CALN1: variants seen among roughly 807,000 people sequenced by gnomAD.
CALN1 encodes the protein calcium-binding protein 8.
In CALN1, 17 loss-of-function variants were observed where a neutral mutation model predicts 30.6. The ratio of observed to expected loss-of-function variants is 0.56; its 90% CI spans 0.38 to 0.83. The LOEUF is 0.83. CALN1 is among the 40% of genes least tolerant of loss of function. The probability of loss-of-function intolerance (pLI) is 0.00; values close to 1 mark genes in which losing one functional copy is unlikely to be tolerated. For synonymous variants in CALN1, 156 were observed against 131.4 expected, an observed-to-expected ratio of 1.19 and a Z score of -1.28; for missense variants, 291 against 354.9, an observed-to-expected ratio of 0.82 and a Z score of 1.45.
chr7:71,952,536 C>T (rs1235725840), intron 5 of CALN1, among the ~76,000 whole-genome samples: 1 of 152,162 alleles, frequency 6.6e-6, no homozygotes, highest in Non-Finnish European at 1.5e-5. Context: ...AGGCTAGCGG[C>T]ACATAAAAGC....
chr7:72,501,370 TAAAAAAAAAA>T, the CALN1 span, among the ~76,000 whole-genome samples: 28 of 42,810 alleles, frequency 6.5e-4, no homozygotes, highest in African/African-American at 9.0e-4. Flanking sequence ...ACGTCTCTAT[TAAAAAAAAAA>T]AAAAAAAAAA....
chr7:71,859,546 GA>G (rs1003455303), intron 5 of CALN1, among the ~76,000 whole-genome samples: 3 of 152,180 alleles, frequency 2.0e-5, no homozygotes, highest in African/African-American at 7.2e-5. Context: ...ATGAGTTTGA[GA>G]CTGTAAGTGT....
At position 72,028,971 on chromosome 7, in the gene CALN1, A is replaced by G. The variant is rs1801265972; in HGVS notation, c.389-5202T>C. ...ATGCCATTGGCCTCCAGCCTGGGTGAAAGAGCAAGACTCCATCTCAAATAT... is the reference window on the plus strand; with the variant it reads ...ATGCCATTGGCCTCCAGCCTGGGTGGAAGAGCAAGACTCCATCTCAAATAT... On this transcript the variant is annotated intron_variant, in intron 4 of 6. Transcript: ENST00000395275. Among the ~76,000 whole-genome samples, 3 of 152,114 alleles carry G rather than the reference A, an allele frequency of 2.0e-5. No homozygotes were observed. In the South Asian group the frequency reaches 6.2e-4, roughly 31 times the overall value.
chr7:71,789,641 A>G (rs1055352174), intron 6 of CALN1, among the ~76,000 whole-genome samples: 1 of 152,082 alleles, frequency 6.6e-6, no homozygotes, highest in African/African-American at 2.4e-5. Flanking sequence ...GCCTCCAGAT[A>G]CCACGGCCCC....
At chr7:72,297,226 T>G (rs1010438442) in intron 2 of CALN1, among the ~76,000 whole-genome samples, 3 of 152,174 alleles carry the variant, frequency 2.0e-5, no homozygotes, top group Non-Finnish European at 2.9e-5. Context: ...ATTTAAATGT[T>G]CTCTTTTATC....
At chr7:71,878,105 T>C (rs775732792) in intron 5 of CALN1, among the ~76,000 whole-genome samples, 9 of 152,232 alleles carry the variant, frequency 5.9e-5, no homozygotes, top group Non-Finnish European at 1.0e-4. Context: ...ATCAATATAG[T>C]GTTGACCAAA....
upstream of CALN1, chr7:72,447,270 T>G (rs980621784): frequency 1.3e-5 from 2 of 152,640 alleles, no homozygotes; most frequent in Non-Finnish European, 2.9e-5. Flanking sequence ...TGCTGCCGTG[T>G]CTGCTCTGGC....
At chr7:72,061,775 C>T (rs542286871) in intron 4 of CALN1, among the ~76,000 whole-genome samples, 90 of 119,160 alleles carry the variant, frequency 7.6e-4, no homozygotes, top group African/African-American at 2.4e-3. Context: ...ACGGCCTGGG[C>T]GACAGAGCAA....
chr7:72,418,365 G>A (rs569138809), intron 1 of CALN1, among the ~76,000 whole-genome samples: 7 of 152,234 alleles, frequency 4.6e-5, no homozygotes, highest in African/African-American at 1.4e-4. Context: ...TCCAATCCAC[G>A]AATGATGGGC....
intron 5 of CALN1, among the ~76,000 whole-genome samples, chr7:71,934,714 C>G (rs181092145): frequency 3.3e-5 from 5 of 152,180 alleles, no homozygotes; most frequent in Admixed American, 3.3e-4. Flanking sequence ...TTGTATTAGT[C>G]TGTTCTCATG....
chr7:72,360,815 G>A (rs1459091120), intron 2 of CALN1, among the ~76,000 whole-genome samples: 1 of 151,396 alleles, frequency 6.6e-6, no homozygotes, highest in African/African-American at 2.4e-5. Context: ...TGCAACCTCC[G>A]CCTCCCGGAT....
chr7:72,314,613 T>C (rs1274796107), intron 2 of CALN1, among the ~76,000 whole-genome samples: 1 of 151,144 alleles, frequency 6.6e-6, no homozygotes, highest in African/African-American at 2.4e-5. Flanking sequence ...AGAGACAGGG[T>C]TTCACCATAT....
At chr7:72,075,970 G>A (rs1282112099) in intron 4 of CALN1, among the ~76,000 whole-genome samples, 1 of 152,142 alleles carries the variant, frequency 6.6e-6, no homozygotes, top group African/African-American at 2.4e-5. Context: ...GAGAGGGGGT[G>A]TCAGGAGGAG....
chr7:72,314,123 G>C (rs1800249278), intron 2 of CALN1, among the ~76,000 whole-genome samples: 1 of 152,112 alleles, frequency 6.6e-6, no homozygotes, highest in South Asian at 2.1e-4. Flanking sequence ...TGAGGTGTCG[G>C]TCGACTGAGG....
At chr7:72,465,480 T>C in the CALN1 span, among the ~76,000 whole-genome samples, 4,300 of 152,222 alleles carry the variant, frequency 0.028, 214 homozygotes, top group African/African-American at 0.098. Flanking sequence ...ACGTGGCCTG[T>C]GTGTGTTTGT....
Position 72,271,575 on chromosome 7 carries a change from A to ATATATATATATATATATAT in CALN1, c.244+7110_244+7111insATATATATATATATATATA, listed in dbSNP as rs1554345806. 1.0e-3 allele frequency among the ~76,000 whole-genome samples: 54 copies of ATATATATATATATATATAT among 52,114 alleles called. 1 individual carries two copies. Among genetic ancestry groups the ATATATATATATATATATAT allele is most frequent in the African/African-American group, 5.9e-3 (44 of 7,436 alleles). The allele number at this position is 52,114 out of a possible 152,430, so 34.2% of individuals were successfully genotyped here. A position where few individuals can be genotyped will look rare whatever the true frequency, so the allele number is the denominator to read the frequency against. ...CTGTGCCTGCCTTTTAAAAAAAAAA[A>ATATATATATATATATATAT]ATATATATATATATATATAGTTTTC... is the stretch of plus-strand genomic sequence containing the variant. On this transcript the variant is annotated intron_variant, in intron 3 of 6. Coordinates refer to ENST00000395275, the MANE Select transcript of CALN1 (RefSeq NM_031468.4).
chr7:72,090,702 T>G (rs1162483797), intron 4 of CALN1, among the ~76,000 whole-genome samples: 1 of 152,170 alleles, frequency 6.6e-6, no homozygotes, highest in Non-Finnish European at 1.5e-5. Context: ...GATGAATGGA[T>G]TTTTTAAAAT....
At chr7:72,448,028 G>T (rs779917546), upstream of CALN1, among the ~76,000 whole-genome samples, 8 of 148,918 alleles carry the variant, frequency 5.4e-5, no homozygotes, top group African/African-American at 2.0e-4. Context: ...ACACATGCCC[G>T]CTCAGGTTCA....
At position 71,781,269 on chromosome 7, in the gene CALN1, T is replaced by C. The variant is rs1016066159; in HGVS notation, c.*6506A>G. ...ACCTAGATAGTGGGTGGAAGAGTCC[T>C]GGCTCCTGGGCTTTCTCCAGCTGGT... On this transcript the variant is annotated 3_prime_UTR_variant, in exon 7 of 7. Transcript: ENST00000395275. 1.3e-5 allele frequency: 2 copies of C among 152,254 alleles called. No individual in the cohort carries two copies. Among genetic ancestry groups the C allele is most frequent in the African/African-American group, 2.4e-5 (1 of 41,470 alleles). The allele number at this position is 152,254 out of a possible 1,614,324, so 9.4% of individuals were successfully genotyped here. A position where few individuals can be genotyped will look rare whatever the true frequency, so the allele number is the denominator to read the frequency against.
Sources: allele counts gnomAD v4.1 joint callset (sites outside exome capture counted in the v4.1 genomes callset), GRCh38; gene constraint gnomAD v4.1.1; transcripts MANE v1.5; gene names NCBI Gene and HGNC (gene_info 2026-07-23, HGNC 2026-07-21).